Variants in IL1RAPL1 observed in about 807,000 individuals in gnomAD.
The protein encoded by IL1RAPL1 is interleukin 1 receptor accessory protein like 1.
IL1RAPL1 carries 3 observed loss-of-function variants against 48.4 expected under a neutral mutation model. The ratio of observed to expected loss-of-function variants is 0.06; its 90% CI spans 0.03 to 0.16. The LOEUF (loss-of-function observed/expected upper bound fraction) is 0.16. Ranked by LOEUF, IL1RAPL1 falls within the 10% of genes least tolerant of loss-of-function variation. The probability of loss-of-function intolerance (pLI) is 1.00; values close to 1 mark genes in which losing one functional copy is unlikely to be tolerated. For synonymous variants in IL1RAPL1, 185 were observed against 187.7 expected (o/e 0.99, Z 0.12); for missense variants, 349 against 530.6 (o/e 0.66, Z 3.36).
intron 2 of IL1RAPL1, among the ~76,000 whole-genome samples, chrX:29,013,086 A>AT (rs1293157108): frequency 8.9e-6 from 1 of 111,737 alleles, no homozygotes; most frequent in African/African-American, 3.3e-5. Flanking sequence ...GCAAAAGCAT[A>AT]TGAAACAAAC....
At chrX:29,890,129 C>T (rs745767217) in intron 6 of IL1RAPL1, among the ~76,000 whole-genome samples, 5 of 111,571 alleles carry the variant, frequency 4.5e-5, no homozygotes, top group African/African-American at 1.6e-4. Flanking sequence ...TTTCTATTCT[C>T]TCACTGTCTA....
intron 2 of IL1RAPL1, among the ~76,000 whole-genome samples, chrX:28,897,817 G>C (rs1202579707): frequency 1.1e-4 from 12 of 111,739 alleles, no homozygotes; most frequent in South Asian, 3.8e-4. Context: ...AGAAAGTCAG[G>C]GAAGGGAGTT....
intron 2 of IL1RAPL1, among the ~76,000 whole-genome samples, chrX:28,892,715 G>A (rs990460178): frequency 9.0e-6 from 1 of 110,949 alleles, no homozygotes; most frequent in Non-Finnish European, 1.9e-5. Flanking sequence ...GGGCGGCGTG[G>A]GAACCTAGAG....
intron 2 of IL1RAPL1, among the ~76,000 whole-genome samples, chrX:28,893,753 C>T (rs773162521): frequency 9.0e-6 from 1 of 111,656 alleles, no homozygotes; most frequent in South Asian, 3.8e-4. Flanking sequence ...AAGAGACGGG[C>T]TAGCGGCTTG....
At chrX:28,652,045 G>A (rs766081004) in intron 1 of IL1RAPL1, among the ~76,000 whole-genome samples, 7 of 111,971 alleles carry the variant, frequency 6.3e-5, no homozygotes, top group Non-Finnish European at 1.3e-4. Flanking sequence ...CTGACCAAAA[G>A]TATATTTAGA....
intron 1 of IL1RAPL1, among the ~76,000 whole-genome samples, chrX:28,700,733 G>A (rs1445324596): frequency 7.2e-5 from 8 of 110,422 alleles, no homozygotes; most frequent in African/African-American, 2.0e-4. Flanking sequence ...GCCCCAGTGT[G>A]TGATGTTCCC....
chrX:29,298,635 A>C (rs1310397963), intron 3 of IL1RAPL1, among the ~76,000 whole-genome samples: 4 of 111,596 alleles, frequency 3.6e-5, no homozygotes, highest in Non-Finnish European at 7.5e-5. Flanking sequence ...GGGATAGTCT[A>C]AAATATTACT....
intron 3 of IL1RAPL1, among the ~76,000 whole-genome samples, chrX:29,388,370 ATAT>A (rs1933811597): frequency 9.0e-6 from 1 of 111,060 alleles, no homozygotes; most frequent in Non-Finnish European, 1.9e-5. Flanking sequence ...AAAAAAATAT[ATAT>A]ATATTCCTGG....
At chrX:28,613,142 T>A (rs1352919865) in intron 1 of IL1RAPL1, among the ~76,000 whole-genome samples, 2 of 112,299 alleles carry the variant, frequency 1.8e-5, no homozygotes, top group Non-Finnish European at 3.8e-5. Flanking sequence ...AGCTGTAAGT[T>A]GAGAACCAGT....
At chrX:29,414,370 CA>C (rs1318894377) in intron 5 of IL1RAPL1, among the ~76,000 whole-genome samples, 1 of 111,724 alleles carries the variant, frequency 9.0e-6, no homozygotes, top group Non-Finnish European at 1.9e-5. Context: ...TCTTACCACA[CA>C]AAAAAAGATT....
chrX:29,640,806 G>T (rs1270104136), intron 5 of IL1RAPL1, among the ~76,000 whole-genome samples: 1 of 112,023 alleles, frequency 8.9e-6, no homozygotes, highest in African/African-American at 3.2e-5. Flanking sequence ...TCCCAATAGT[G>T]TACTTTCTCA....
chrX:28,759,479 C>G (rs147585769), intron 1 of IL1RAPL1, among the ~76,000 whole-genome samples: 1 of 109,936 alleles, frequency 9.1e-6, no homozygotes, highest in South Asian at 3.9e-4. Context: ...TATTTAAAAA[C>G]TGATGATTTT....
intron 3 of IL1RAPL1, among the ~76,000 whole-genome samples, chrX:29,299,768 A>G (rs954273524): frequency 1.8e-5 from 2 of 112,338 alleles, no homozygotes; most frequent in Non-Finnish European, 3.8e-5. Context: ...TTGTGAATTT[A>G]TATTCAAGTG....
chrX:29,589,404 C>G (rs753488879), intron 5 of IL1RAPL1, among the ~76,000 whole-genome samples: 3 of 111,637 alleles, frequency 2.7e-5, no homozygotes, highest in Non-Finnish European at 5.6e-5. Context: ...ATATCCCTGA[C>G]TTTATGAAGA....
chrX:29,002,297 A>G (rs1454772718), intron 2 of IL1RAPL1, among the ~76,000 whole-genome samples: 1 of 111,501 alleles, frequency 9.0e-6, no homozygotes, highest in African/African-American at 3.3e-5. Flanking sequence ...GACCCAAAGG[A>G]ATACTTATTA....
At chrX:28,662,775 T>C (rs1934836591) in intron 1 of IL1RAPL1, among the ~76,000 whole-genome samples, 1 of 110,775 alleles carries the variant, frequency 9.0e-6, no homozygotes. Context: ...AGGAAGGGGG[T>C]GAGGGGCTGA....
At chrX:29,094,410 G>A (rs1928157572) in intron 2 of IL1RAPL1, among the ~76,000 whole-genome samples, 1 of 110,342 alleles carries the variant, frequency 9.1e-6, no homozygotes, top group Admixed American at 9.8e-5. Flanking sequence ...TTGTATCGTA[G>A]TTGATAACAT....
At chrX:28,782,096 A>G (rs1490222123) in intron 1 of IL1RAPL1, among the ~76,000 whole-genome samples, 1 of 111,220 alleles carries the variant, frequency 9.0e-6, no homozygotes, top group Non-Finnish European at 1.9e-5. Flanking sequence ...GGTATTACCT[A>G]TTCACTTGAT....
At chrX:29,228,487 T>C (rs1337490316) in intron 2 of IL1RAPL1, among the ~76,000 whole-genome samples, 2 of 107,037 alleles carry the variant, frequency 1.9e-5, no homozygotes, top group East Asian at 6.0e-4. Flanking sequence ...CCCGAGTAGC[T>C]GGGATTACAG....
Sources: allele counts gnomAD v4.1 joint callset (sites outside exome capture counted in the v4.1 genomes callset), GRCh38; gene constraint gnomAD v4.1.1; transcripts MANE v1.5; gene names NCBI Gene and HGNC (gene_info 2026-07-23, HGNC 2026-07-21).